TK2: variants seen among roughly 807,000 people sequenced by gnomAD.
TK2 encodes the protein thymidine kinase 2.
In TK2, 35 loss-of-function variants were observed where a neutral mutation model predicts 41.9. The observed-to-expected ratio is 0.84, with a 90% CI of 0.64 to 1.11. TK2 has a LOEUF of 1.11. Among genes scored for constraint, TK2 ranks in the 50% least tolerant of loss-of-function variants. The pLI, the probability that TK2 is intolerant of heterozygous loss-of-function variation, is 0.00. For missense variants in TK2, 320 were observed against 351.1 expected (o/e 0.91, Z 0.71); for synonymous variants, 128 against 129.1 (o/e 0.99, Z 0.06).
chr16:66,531,674 T>A (rs1404950846), intron 4 of TK2, among the ~76,000 whole-genome samples: 1 of 152,044 alleles, frequency 6.6e-6, no homozygotes, highest in Admixed American at 6.6e-5. Context: ...GTAACAGCTA[T>A]AATAGGAGCC....
chr16:66,528,305 C>T (rs1218618729), intron 6 of TK2, among the ~76,000 whole-genome samples: 2 of 152,186 alleles, frequency 1.3e-5, no homozygotes, highest in South Asian at 4.1e-4. Context: ...GGATGGAGGG[C>T]CCCATGCCTG....
chr16:66,538,375 A>G (rs1486588012), intron 3 of TK2, among the ~76,000 whole-genome samples: 1 of 150,826 alleles, frequency 6.6e-6, no homozygotes, highest in Non-Finnish European at 1.5e-5. Flanking sequence ...CCCCTCTCAA[A>G]CCCCCTCTCC....
At chr16:66,549,661 G>A (rs1965722565) in intron 1 of TK2, 8 of 1,215,652 alleles carry the variant, frequency 6.6e-6, no homozygotes, top group Middle Eastern at 3.2e-4. Flanking sequence ...AAATGGGTCG[G>A]GGGACCGAGT....
At chr16:66,548,781 G>A in intron 2 of TK2, 197 bp downstream of exon 2, 1 of 612,016 alleles carries the variant, frequency 1.6e-6, no homozygotes, top group Non-Finnish European at 3.0e-6. Context: ...TATCTGTGCA[G>A]ACTCTGGGGA....
intron 2 of TK2, 100 bp downstream of exon 2, chr16:66,548,878 T>C (rs1220767066): frequency 1.7e-6 from 2 of 1,211,014 alleles, no homozygotes; most frequent in African/African-American, 3.0e-5. Context: ...ATTTTTGCTT[T>C]TTACTATGGA....
In TK2 at chr16:66,509,492, T is replaced by G. The variant is rs1172967193; in HGVS notation, c.*2476A>C. The G allele has an allele frequency of 1.3e-5, 2 of 152,228 alleles. No homozygotes were observed. Among genetic ancestry groups the G allele is most frequent in the African/African-American group, 4.8e-5 (2 of 41,458 alleles). 9.4% of individuals were successfully genotyped at this position (152,228 alleles called of 1,614,324 possible). On this transcript the variant is annotated 3_prime_UTR_variant, in exon 10 of 10. Transcript: ENST00000544898. ...ATTTTACATGTACTGTCAAAAAGCT[T>G]AAATAAAAGCTGAAATAAATGCTAA...
chr16:66,536,020 A>T (rs1965265791), intron 4 of TK2, among the ~76,000 whole-genome samples: 1 of 152,146 alleles, frequency 6.6e-6, no homozygotes, highest in African/African-American at 2.4e-5. Flanking sequence ...CCTGGCCAAC[A>T]TGGTAAAACC....
chr16:66,532,233 T>C (rs1211998713), intron 4 of TK2, among the ~76,000 whole-genome samples: 1 of 150,130 alleles, frequency 6.7e-6, no homozygotes, highest in African/African-American at 2.5e-5. Flanking sequence ...TAAAAATCAG[T>C]AGCATGTATA....
intron 6 of TK2, among the ~76,000 whole-genome samples, chr16:66,522,789 G>A (rs561134729): frequency 2.6e-5 from 4 of 152,214 alleles, no homozygotes; most frequent in Non-Finnish European, 4.4e-5. Flanking sequence ...GCTTGAACCC[G>A]GGAGGTGGAG....
In TK2 at chr16:66,511,725, A is replaced by AC. The variant is rs1447780908; in HGVS notation, c.*242dup. 5 of 579,174 alleles carry AC rather than the reference A, an allele frequency of 8.6e-6. No individual in the cohort carries two copies. In the African/African-American group the frequency reaches 9.3e-5, roughly 11 times the overall value. The allele number at this position is 579,174 out of a possible 1,614,324, so 35.9% of individuals were successfully genotyped here. On this transcript the variant is annotated 3_prime_UTR_variant, in exon 10 of 10. Transcript: ENST00000544898. ...AGCAGCACAAAGCCATGGGAGAGGC[A>AC]CCGGGGGAATGTGAGGCTGCGAACA...
intron 6 of TK2, among the ~76,000 whole-genome samples, chr16:66,522,454 G>T (rs912486707): frequency 6.6e-6 from 1 of 152,216 alleles, no homozygotes; most frequent in African/African-American, 2.4e-5. Context: ...AGGCAATCTT[G>T]TAAAACCTTT....
At chr16:66,524,169 T>A (rs1305452468) in intron 6 of TK2, among the ~76,000 whole-genome samples, 2 of 151,904 alleles carry the variant, frequency 1.3e-5, no homozygotes, top group African/African-American at 4.8e-5. Context: ...GCGCAGAACT[T>A]TTCACCATGG....
At chr16:66,523,997 T>C (rs1420426897) in intron 6 of TK2, among the ~76,000 whole-genome samples, 1 of 152,226 alleles carries the variant, frequency 6.6e-6, no homozygotes, top group African/African-American at 2.4e-5. Context: ...AAAAATACTT[T>C]TTACTTTGCC....
Position 66,517,271 on chromosome 16 carries a change from G to T in TK2, c.539-56C>A. 6.7e-7 allele frequency: 1 copy of T among 1,489,064 alleles called. No individual in the cohort carries two copies. Among genetic ancestry groups the T allele is most frequent in the Non-Finnish European group, 9.4e-7 (1 of 1,066,226 alleles). The allele number at this position is 1,489,064 out of a possible 1,614,324, so 92.2% of individuals were successfully genotyped here. ...ACTCTGCTCATGGCTTGGAAGCAAA[G>T]CAGGCACACAGGCAAAGGCGGGAGG... On this transcript the variant is annotated intron_variant, in intron 7 of 9. Transcript: ENST00000544898. The surrounding 1 kb of genome is among the most constrained non-coding windows in gnomAD (Gnocchi z 4.3).
At chr16:66,523,531 T>G (rs1465339745) in intron 6 of TK2, among the ~76,000 whole-genome samples, 5 of 152,188 alleles carry the variant, frequency 3.3e-5, no homozygotes, top group African/African-American at 1.2e-4. Context: ...CCGAAACCTC[T>G]AAAAACATCT....
intron 4 of TK2, among the ~76,000 whole-genome samples, chr16:66,534,319 C>G (rs1281036840): frequency 1.3e-5 from 2 of 152,176 alleles, no homozygotes; most frequent in Non-Finnish European, 2.9e-5. Context: ...AATAAAATCA[C>G]CAAGGAACAT....
intron 5 of TK2, among the ~76,000 whole-genome samples, chr16:66,530,708 T>C (rs1289243439): frequency 5.3e-5 from 8 of 151,866 alleles, no homozygotes; most frequent in Non-Finnish European, 1.0e-4. Context: ...ACTAGAAAAT[T>C]TGCATTTCTT....
intron 6 of TK2, among the ~76,000 whole-genome samples, chr16:66,526,239 A>G (rs1303485573): frequency 2.6e-5 from 4 of 152,232 alleles, no homozygotes; most frequent in Non-Finnish European, 5.9e-5. Context: ...GGGTCCTAAG[A>G]CACGAAGGAG....
At position 66,509,558 on chromosome 16, in the gene TK2, A is replaced by C. The variant is rs943404980; in HGVS notation, c.*2410T>G. 3.9e-5 allele frequency: 6 copies of C among 152,264 alleles called. No individual in the cohort carries two copies. Among genetic ancestry groups the C allele is most frequent in the African/African-American group, 1.4e-4 (6 of 41,462 alleles). 9.4% of individuals were successfully genotyped at this position (152,264 alleles called of 1,614,324 possible). A position where few individuals can be genotyped will look rare whatever the true frequency, so the allele number is the denominator to read the frequency against. ...TATGTGCAACAAAAAAGTCAGCGAG[A>C]GGTAGAGCAGCTGAGCAGCTCTGCG... On this transcript the variant is annotated 3_prime_UTR_variant, in exon 10 of 10. Coordinates refer to ENST00000544898, the MANE Select transcript of TK2 (RefSeq NM_004614.5).
Sources: allele counts gnomAD v4.1 joint callset (sites outside exome capture counted in the v4.1 genomes callset), GRCh38; gene constraint gnomAD v4.1.1; non-coding constraint Gnocchi (gnomAD v3.1); transcripts MANE v1.5; gene names NCBI Gene and HGNC (gene_info 2026-07-23, HGNC 2026-07-21).